The following SGCD variants were observed in gnomAD, a reference collection of about 807,000 sequenced individuals.
SGCD encodes the protein delta-sarcoglycan.
In SGCD, 18 loss-of-function variants were observed where a neutral mutation model predicts 36.6. The observed-to-expected ratio is 0.49, with a 90% CI of 0.34 to 0.73. SGCD has a LOEUF of 0.73. Among genes scored for constraint, SGCD ranks in the 30% least tolerant of loss-of-function variants. The pLI, the probability that SGCD is intolerant of heterozygous loss-of-function variation, is 0.01. For synonymous variants in SGCD, 133 were observed against 130.6 expected, an observed-to-expected ratio of 1.02 and a Z score of -0.12; for missense variants, 387 against 346.7, an observed-to-expected ratio of 1.12 and a Z score of -0.92.
intron 4 of SGCD, among the ~76,000 whole-genome samples, chr5:156,570,210 G>T (rs558360355): frequency 3.7e-4 from 57 of 152,186 alleles, no homozygotes; most frequent in South Asian, 8.3e-4. Context: ...AATGTATTCT[G>T]TGTGGCACTG....
intron 7 of SGCD, among the ~76,000 whole-genome samples, chr5:156,694,188 C>T (rs570060698): frequency 3.9e-5 from 6 of 152,294 alleles, no homozygotes; most frequent in African/African-American, 1.4e-4. Context: ...GCAGTGGGAG[C>T]TTTGGCGTCT....
intron 1 of SGCD, among the ~76,000 whole-genome samples, chr5:155,996,838 T>C (rs1452723524): frequency 6.8e-6 from 1 of 146,524 alleles, no homozygotes. Context: ...GGCTGCCAAA[T>C]GGTAAATCTG....
intron 4 of SGCD, among the ~76,000 whole-genome samples, chr5:156,557,195 C>G (rs1380835082): frequency 6.6e-6 from 1 of 152,130 alleles, no homozygotes; most frequent in Admixed American, 6.6e-5. Context: ...TCATTTTCAG[C>G]CTGCAACCGG....
chr5:156,724,804 A>G (rs1174589456), intron 7 of SGCD, among the ~76,000 whole-genome samples: 1 of 152,140 alleles, frequency 6.6e-6, no homozygotes, highest in Non-Finnish European at 1.5e-5. Context: ...CACTGAAGAG[A>G]CAGAATCCCA....
At chr5:156,731,224 AGTTT>A (rs1756044888) in intron 7 of SGCD, among the ~76,000 whole-genome samples, 2 of 152,236 alleles carry the variant, frequency 1.3e-5, no homozygotes, top group African/African-American at 2.4e-5. Context: ...CTCTGTTGAT[AGTTT>A]GTTTCTTTGG....
At chr5:156,718,430 T>C (rs1197760307) in intron 7 of SGCD, among the ~76,000 whole-genome samples, 1 of 152,106 alleles carries the variant, frequency 6.6e-6, no homozygotes, top group Non-Finnish European at 1.5e-5. Context: ...GTCCCAAGTA[T>C]GTGGCTTTGG....
At chr5:155,869,912 T>A (rs1580961596), upstream of SGCD, among the ~76,000 whole-genome samples, 2 of 152,100 alleles carry the variant, frequency 1.3e-5, no homozygotes, top group Non-Finnish European at 2.9e-5. Flanking sequence ...GGCAGGAGAA[T>A]CGCTTGAACC....
chr5:156,087,220 C>T (rs925582903), intron 1 of SGCD, among the ~76,000 whole-genome samples: 17 of 152,198 alleles, frequency 1.1e-4, no homozygotes, highest in African/African-American at 3.4e-4. Context: ...TAGGGTCAGA[C>T]GTGATGTGAA....
the SGCD span, among the ~76,000 whole-genome samples, chr5:155,786,137 C>T: frequency 6.6e-6 from 1 of 152,106 alleles, no homozygotes; most frequent in Admixed American, 6.6e-5. Flanking sequence ...ATTCAGTGCT[C>T]CATTTGCAAT....
chr5:156,629,446 A>G (rs1365167744), intron 6 of SGCD, among the ~76,000 whole-genome samples: 1 of 152,250 alleles, frequency 6.6e-6, no homozygotes, highest in Non-Finnish European at 1.5e-5. Context: ...CAGGAAAATC[A>G]GTAATGTCAA....
At position 155,883,557 on chromosome 5, in the gene SGCD, T is replaced by C. The variant is rs542353399; in HGVS notation, c.-282+13133T>C. On this transcript the variant is annotated intron_variant, in intron 1 of 9. Coordinates refer to the SGCD transcript ENST00000517913. ...GAAGAATGGCTGGTTGGTGGAACAG[T>C]TCACAACATTTATGGATACAGTTTG... 3.3e-5 allele frequency among the ~76,000 whole-genome samples: 5 copies of C among 152,162 alleles called. No homozygotes were observed. In the South Asian group the frequency reaches 1.0e-3, roughly 32 times the overall value.
chr5:155,953,809 C>T (rs144631072), intron 1 of SGCD, among the ~76,000 whole-genome samples: 3 of 152,166 alleles, frequency 2.0e-5, no homozygotes, highest in African/African-American at 4.8e-5. Context: ...TCATTTTCTT[C>T]GTGTCTGCCA....
chr5:156,643,723 C>G (rs1763126604), intron 6 of SGCD, among the ~76,000 whole-genome samples: 2 of 152,106 alleles, frequency 1.3e-5, no homozygotes, highest in African/African-American at 4.8e-5. Context: ...TTTCTTATCA[C>G]CATTCTCTAG....
At chr5:156,112,061 G>A (rs528632792) in intron 1 of SGCD, among the ~76,000 whole-genome samples, 1 of 152,182 alleles carries the variant, frequency 6.6e-6, no homozygotes, top group East Asian at 1.9e-4. Context: ...ATTACAAGAG[G>A]TGGATTTTTG....
Position 156,593,046 on chromosome 5 carries a change from C to A in SGCD, c.383-1886C>A, listed in dbSNP as rs185074929. On this transcript the variant is annotated intron_variant, in intron 5 of 8. Coordinates refer to ENST00000337851, the MANE Select transcript of SGCD (RefSeq NM_000337.6). ...ACAGCACTTTACCACCCATAGATTT[C>A]TTTTTATAAACACAATGTCATTTGA... Among the ~76,000 whole-genome samples, 455 of 152,260 alleles carry A rather than the reference C, an allele frequency of 3.0e-3. 3 individuals carry two copies. Among genetic ancestry groups the A allele is most frequent in the Middle Eastern group, 6.8e-3 (2 of 294 alleles).
intron 1 of SGCD, among the ~76,000 whole-genome samples, chr5:155,901,726 A>G (rs1322527084): frequency 6.6e-6 from 1 of 152,224 alleles, no homozygotes; most frequent in East Asian, 1.9e-4. Flanking sequence ...AGCTGAGTAG[A>G]TGAATCTTTT....
intron 1 of SGCD, among the ~76,000 whole-genome samples, chr5:156,055,418 C>T (rs1314003167): frequency 1.4e-5 from 2 of 146,086 alleles, no homozygotes; most frequent in East Asian, 3.9e-4. Flanking sequence ...TCTGTATCCT[C>T]TTCCAGTTAA....
chr5:156,291,603 C>T (rs1766758159), intron 3 of SGCD, among the ~76,000 whole-genome samples: 1 of 152,058 alleles, frequency 6.6e-6, no homozygotes, highest in Admixed American at 6.6e-5. Context: ...AAAATATCCA[C>T]AACGTAATAT....
intron 7 of SGCD, among the ~76,000 whole-genome samples, chr5:156,696,303 C>A (rs1754315590): frequency 1.3e-5 from 2 of 152,148 alleles, no homozygotes. Flanking sequence ...CTTCTCCATC[C>A]AGCATCCCAG....
Sources: allele counts gnomAD v4.1 joint callset (sites outside exome capture counted in the v4.1 genomes callset), GRCh38; gene constraint gnomAD v4.1.1; transcripts MANE v1.5; gene names NCBI Gene and HGNC (gene_info 2026-07-23, HGNC 2026-07-21).